Variants in ZMAT4 observed in about 807,000 individuals in gnomAD.
ZMAT4 encodes the protein zinc finger matrin-type protein 4.
A neutral mutation model predicts 28.7 loss-of-function variants in ZMAT4; 17 were observed. The observed-to-expected ratio is 0.59, with a 90% CI of 0.41 to 0.89. The LOEUF is 0.89. Among genes scored for constraint, ZMAT4 ranks in the 40% least tolerant of loss-of-function variants. The probability of loss-of-function intolerance (pLI) is 0.00; values close to 1 mark genes in which losing one functional copy is unlikely to be tolerated. For synonymous variants in ZMAT4, 117 were observed against 109.2 expected (o/e 1.07, Z -0.44); for missense variants, 240 against 283.8 (o/e 0.85, Z 1.11).
intron 5 of ZMAT4, among the ~76,000 whole-genome samples, chr8:40,628,231 G>C (rs1806445657): frequency 6.6e-6 from 1 of 152,154 alleles, no homozygotes; most frequent in South Asian, 2.1e-4. Context: ...AAGATAGAGA[G>C]ACATATTGAT....
chr8:40,597,217 T>C (rs1180218518), intron 5 of ZMAT4, among the ~76,000 whole-genome samples: 1 of 152,232 alleles, frequency 6.6e-6, no homozygotes, highest in Non-Finnish European at 1.5e-5. Context: ...ATGTATACAC[T>C]CAATACGAAA....
chr8:40,722,070 C>G (rs1811126393), intron 3 of ZMAT4, among the ~76,000 whole-genome samples: 1 of 151,742 alleles, frequency 6.6e-6, no homozygotes, highest in South Asian at 2.1e-4. Context: ...CCATAAAAAC[C>G]CTAGAAGAAA....
chr8:40,796,868 C>T (rs1159869444), intron 2 of ZMAT4, among the ~76,000 whole-genome samples: 1 of 152,184 alleles, frequency 6.6e-6, no homozygotes, highest in Non-Finnish European at 1.5e-5. Flanking sequence ...ACCTGCTGTG[C>T]TCGGAGATCT....
intron 2 of ZMAT4, among the ~76,000 whole-genome samples, chr8:40,811,714 C>A (rs2150596846): frequency 6.6e-6 from 1 of 152,226 alleles, no homozygotes; most frequent in East Asian, 1.9e-4. Context: ...TATTAGACAG[C>A]AGTTAGAAGC....
At chr8:40,843,488 AG>A (rs1816773075) in intron 1 of ZMAT4, among the ~76,000 whole-genome samples, 1 of 152,224 alleles carries the variant, frequency 6.6e-6, no homozygotes, top group Non-Finnish European at 1.5e-5. Flanking sequence ...CTGCTTTTAC[AG>A]GGGACAGAAT....
In ZMAT4 at chr8:40,651,524, T is replaced by G. The variant is rs1299182032; in HGVS notation, c.577+23180A>C. ...TGCCCAAGGTAATTTACAGATTCAATGCCATCCCCATCAAGCTACCAATGC... is the reference window on the plus strand; with the variant it reads ...TGCCCAAGGTAATTTACAGATTCAAGGCCATCCCCATCAAGCTACCAATGC... On this transcript the variant is annotated intron_variant, in intron 5 of 6. Coordinates refer to ENST00000297737, the MANE Select transcript of ZMAT4 (RefSeq NM_024645.3). Among the ~76,000 whole-genome samples, 174 of 149,678 alleles carry G rather than the reference T, an allele frequency of 1.2e-3. 1 individual carries two copies. Among genetic ancestry groups the G allele is most frequent in the Non-Finnish European group, 2.2e-3 (148 of 67,356 alleles).
At chr8:40,626,017 G>A (rs999611989) in intron 5 of ZMAT4, among the ~76,000 whole-genome samples, 1 of 151,846 alleles carries the variant, frequency 6.6e-6, no homozygotes, top group Admixed American at 6.6e-5. Flanking sequence ...GGCTGAGGCA[G>A]GAGAATCGTT....
intron 5 of ZMAT4, among the ~76,000 whole-genome samples, chr8:40,661,742 G>T (rs1456317775): frequency 6.6e-6 from 1 of 152,174 alleles, no homozygotes. Context: ...CTTTTCAGAG[G>T]CAGCATAATG....
intron 1 of ZMAT4, among the ~76,000 whole-genome samples, chr8:40,893,803 T>C (rs1586238841): frequency 6.6e-6 from 1 of 152,330 alleles, no homozygotes; most frequent in East Asian, 1.9e-4. Context: ...AGGCAGGTTT[T>C]TGATTCTTAC....
At chr8:40,876,610 C>T (rs932210466) in intron 1 of ZMAT4, among the ~76,000 whole-genome samples, 7 of 152,184 alleles carry the variant, frequency 4.6e-5, no homozygotes, top group African/African-American at 1.2e-4. Flanking sequence ...CCACTGCACC[C>T]GGCCTGCTTA....
chr8:40,695,677 T>TGAGG (rs1382290654), intron 4 of ZMAT4, among the ~76,000 whole-genome samples: 5 of 151,960 alleles, frequency 3.3e-5, no homozygotes, highest in African/African-American at 1.2e-4. Context: ...TTCCCAGATC[T>TGAGG]GAGGGTGTTT....
intron 3 of ZMAT4, among the ~76,000 whole-genome samples, chr8:40,724,063 T>C (rs1036508337): frequency 2.0e-5 from 3 of 152,264 alleles, no homozygotes; most frequent in African/African-American, 4.8e-5. Context: ...TGAGGTTTTT[T>C]TTTTCTTTTC....
intron 1 of ZMAT4, among the ~76,000 whole-genome samples, chr8:40,833,896 G>T (rs988055438): frequency 2.0e-5 from 3 of 152,138 alleles, no homozygotes; most frequent in Non-Finnish European, 4.4e-5. Context: ...GTAGCTTACC[G>T]TACATCACCC....
chr8:40,699,902 G>A (rs1341168332), intron 3 of ZMAT4, among the ~76,000 whole-genome samples: 2 of 152,188 alleles, frequency 1.3e-5, no homozygotes, highest in Admixed American at 6.5e-5. Flanking sequence ...AGCCATGCCT[G>A]GCCTTTCTCC....
At chr8:40,562,857 A>G (rs1803792460) in intron 6 of ZMAT4, among the ~76,000 whole-genome samples, 1 of 152,184 alleles carries the variant, frequency 6.6e-6, no homozygotes, top group Non-Finnish European at 1.5e-5. Context: ...CCTACTTAGA[A>G]AAGAAATACA....
chr8:40,622,373 C>A (rs1186349441), intron 5 of ZMAT4, among the ~76,000 whole-genome samples: 1 of 152,144 alleles, frequency 6.6e-6, no homozygotes, highest in African/African-American at 2.4e-5. Context: ...TAAGGGGAGG[C>A]CCCTCTGAGG....
chr8:40,830,130 A>C (rs1816226027), intron 1 of ZMAT4, among the ~76,000 whole-genome samples: 1 of 152,164 alleles, frequency 6.6e-6, no homozygotes, highest in African/African-American at 2.4e-5. Context: ...TGAAGGAATG[A>C]ATGCAGGCTA....
At chr8:40,634,697 G>A (rs1481106227) in intron 5 of ZMAT4, among the ~76,000 whole-genome samples, 1 of 152,146 alleles carries the variant, frequency 6.6e-6, no homozygotes, top group Non-Finnish European at 1.5e-5. Context: ...CATTTACCAT[G>A]GTGATCTTAA....
Position 40,667,834 on chromosome 8 carries a change from T to TAA in ZMAT4, c.577+6868_577+6869dup, listed in dbSNP as rs112035846. Among the ~76,000 whole-genome samples, 104 of 134,494 alleles carry TAA rather than the reference T, an allele frequency of 7.7e-4. No individual in the cohort carries two copies. In the East Asian group the frequency reaches 0.014, roughly 18 times the overall value. 88.2% of individuals were successfully genotyped at this position (134,494 alleles called of 152,430 possible). A position where few individuals can be genotyped will look rare whatever the true frequency, so the allele number is the denominator to read the frequency against. On this transcript the variant is annotated intron_variant, in intron 5 of 6. Transcript: ENST00000297737. ...TGAATCCAGCATAAGGTCCATTATT[T>TAA]AAAAAAAAAAAAAACAACAAAAAAA...
Sources: gnomAD v4.1 joint callset for allele counts (sites outside exome capture counted in the v4.1 genomes callset) on GRCh38, gnomAD v4.1.1 for gene constraint, MANE v1.5 for transcripts, NCBI Gene and HGNC (gene_info 2026-07-23, HGNC 2026-07-21) for gene names.